The following NALF1 variants were observed in gnomAD, a reference collection of about 807,000 sequenced individuals.
NALF1 encodes the protein NALCN channel auxiliary factor 1, also known as family with sequence similarity 155 member A.
In NALF1, 3 loss-of-function variants were observed where a neutral mutation model predicts 48.4. The ratio of observed to expected loss-of-function variants is 0.06; its 90% CI spans 0.03 to 0.16. The LOEUF is 0.16. NALF1 is among the 10% of genes least tolerant of loss of function. NALF1 has a pLI of 1.00. For synonymous variants in NALF1, 262 were observed against 245.7 expected (o/e 1.07, Z -0.62); for missense variants, 526 against 571.5 (o/e 0.92, Z 0.81).
chr13:107,404,201 T>G (rs1177870628), intron 1 of NALF1, among the ~76,000 whole-genome samples: 1 of 152,114 alleles, frequency 6.6e-6, no homozygotes, highest in Non-Finnish European at 1.5e-5. Flanking sequence ...TGACTAAAAC[T>G]TTATTCTTAA....
intron 1 of NALF1, among the ~76,000 whole-genome samples, chr13:107,734,270 T>A (rs1367813745): frequency 6.6e-6 from 1 of 152,134 alleles, no homozygotes; most frequent in East Asian, 1.9e-4. Flanking sequence ...CACTTAATTA[T>A]GCACCTCATG....
chr13:107,822,411 T>C (rs904422580), intron 1 of NALF1, among the ~76,000 whole-genome samples: 2 of 151,848 alleles, frequency 1.3e-5, no homozygotes, highest in Non-Finnish European at 2.9e-5. Context: ...CTCTACACTG[T>C]CAGCAGCAGC....
intron 1 of NALF1, among the ~76,000 whole-genome samples, chr13:107,270,181 T>C (rs72666536): frequency 2.0e-3 from 303 of 152,266 alleles, no homozygotes; most frequent in Non-Finnish European, 3.7e-3. Context: ...CCAGGAATAA[T>C]CAAGCTTTTT....
chr13:107,468,066 A>AG (rs979966835), intron 1 of NALF1, among the ~76,000 whole-genome samples: 1 of 151,004 alleles, frequency 6.6e-6, no homozygotes, highest in African/African-American at 2.4e-5. Context: ...AAAAAAAAAA[A>AG]GTATTAAAAT....
intron 1 of NALF1, among the ~76,000 whole-genome samples, chr13:107,710,303 G>A (rs1400299274): frequency 6.6e-6 from 1 of 152,022 alleles, no homozygotes; most frequent in African/African-American, 2.4e-5. Context: ...TAGATAACAA[G>A]AAACCAAAAC....
At chr13:107,664,445 C>T (rs984401255) in intron 1 of NALF1, among the ~76,000 whole-genome samples, 3 of 152,122 alleles carry the variant, frequency 2.0e-5, no homozygotes, top group African/African-American at 7.2e-5. Context: ...TAAGACAGGT[C>T]GTGTCCCTCT....
chr13:107,178,055 A>AG (rs1368702050), intron 2 of NALF1, among the ~76,000 whole-genome samples: 1 of 152,208 alleles, frequency 6.6e-6, no homozygotes, highest in East Asian at 1.9e-4. Context: ...AAAAAAAAAA[A>AG]GATGACTTAA....
At chr13:107,415,957 GT>G (rs1186576920) in intron 1 of NALF1, among the ~76,000 whole-genome samples, 1 of 151,774 alleles carries the variant, frequency 6.6e-6, no homozygotes, top group Non-Finnish European at 1.5e-5. Flanking sequence ...AACTATATTT[GT>G]CCCTTGAACA....
At chr13:107,296,612 A>C (rs2138887975) in intron 1 of NALF1, among the ~76,000 whole-genome samples, 1 of 152,214 alleles carries the variant, frequency 6.6e-6, no homozygotes, top group East Asian at 1.9e-4. Context: ...TTTTAAGGTA[A>C]AGTACTTCCC....
intron 1 of NALF1, among the ~76,000 whole-genome samples, chr13:107,239,910 G>A (rs75563601): frequency 0.058 from 8,778 of 152,204 alleles, 292 homozygotes; most frequent in African/African-American, 0.068. Flanking sequence ...GAGGGACCAT[G>A]GGAAGGAATC....
intron 1 of NALF1, among the ~76,000 whole-genome samples, chr13:107,781,186 T>C (rs916286357): frequency 6.6e-6 from 1 of 152,220 alleles, no homozygotes; most frequent in Non-Finnish European, 1.5e-5. Context: ...ATGAAAAATT[T>C]CATTTTGTTT....
At chr13:107,516,317 A>G (rs1876049882) in intron 1 of NALF1, among the ~76,000 whole-genome samples, 1 of 152,194 alleles carries the variant, frequency 6.6e-6, no homozygotes, top group African/African-American at 2.4e-5. Flanking sequence ...TCAGTGTGGC[A>G]GAAAGCATTG....
chr13:107,515,293 A>G (rs186788360), intron 1 of NALF1, among the ~76,000 whole-genome samples: 3 of 152,322 alleles, frequency 2.0e-5, no homozygotes. Context: ...GTTTGAGAGT[A>G]AAGGAAAACA....
intron 1 of NALF1, among the ~76,000 whole-genome samples, chr13:107,580,047 C>T (rs975712666): frequency 2.6e-5 from 4 of 151,886 alleles, no homozygotes; most frequent in Admixed American, 6.6e-5. Flanking sequence ...GGAACCAACC[C>T]AAATGTCCAA....
intron 1 of NALF1, among the ~76,000 whole-genome samples, chr13:107,539,651 T>C (rs1876942220): frequency 6.6e-6 from 1 of 152,202 alleles, no homozygotes; most frequent in African/African-American, 2.4e-5. Flanking sequence ...TCTGAAATAG[T>C]ATAAAATACA....
At chr13:107,264,129 ATTATTTTTGTG>A (rs1880991684) in intron 1 of NALF1, among the ~76,000 whole-genome samples, 1 of 152,200 alleles carries the variant, frequency 6.6e-6, no homozygotes, top group Admixed American at 6.5e-5. Context: ...GAATGAGGTC[ATTATTTTTGTG>A]TTATAATTTT....
At chr13:107,207,668 A>G (rs532115726) in intron 2 of NALF1, among the ~76,000 whole-genome samples, 108 of 152,092 alleles carry the variant, frequency 7.1e-4, no homozygotes, top group Non-Finnish European at 1.3e-3. Flanking sequence ...TTTTCATTTG[A>G]GACAGGGTCT....
At chr13:107,518,787 A>G (rs1422098458) in intron 1 of NALF1, among the ~76,000 whole-genome samples, 1 of 152,208 alleles carries the variant, frequency 6.6e-6, no homozygotes, top group Non-Finnish European at 1.5e-5. Context: ...TTTCAGACAG[A>G]ACATTCTAAA....
At chr13:107,542,578 G>GT (rs1446907362) in intron 1 of NALF1, among the ~76,000 whole-genome samples, 2 of 152,178 alleles carry the variant, frequency 1.3e-5, no homozygotes, top group East Asian at 1.9e-4. Flanking sequence ...AAAAGAACCA[G>GT]ACATCAATAT....
Sources: allele counts gnomAD v4.1 joint callset (sites outside exome capture counted in the v4.1 genomes callset), GRCh38; gene constraint gnomAD v4.1.1; transcripts MANE v1.5; gene names NCBI Gene and HGNC (gene_info 2026-07-23, HGNC 2026-07-21).